SIGLEC10: variants seen among roughly 807,000 people sequenced by gnomAD.
SIGLEC10 encodes sialic acid binding Ig like lectin 10, also known as sialic acid-binding Ig-like lectin 10.
In SIGLEC10, 45 loss-of-function variants were observed where a neutral mutation model predicts 68.3. The observed-to-expected ratio is 0.66, with a 90% CI of 0.52 to 0.84. The LOEUF (loss-of-function observed/expected upper bound fraction) is 0.84. Ranked by LOEUF, SIGLEC10 falls within the 40% of genes least tolerant of loss-of-function variation. SIGLEC10 has a pLI of 0.00. For synonymous variants in SIGLEC10, 379 were observed against 370.8 expected, an observed-to-expected ratio of 1.02 and a Z score of -0.26; for missense variants, 789 against 883.1, an observed-to-expected ratio of 0.89 and a Z score of 1.35.
At position 51,416,663 on chromosome 19, in the gene SIGLEC10, C is replaced by T. The variant is rs1445534273; in HGVS notation, c.706+3G>A. On this transcript the variant is annotated splice_donor_region_variant and intron_variant, in intron 3 of 10. Coordinates refer to ENST00000339313, the MANE Select transcript of SIGLEC10 (RefSeq NM_033130.5). ...ACACCCCACCCTCCCAGGCCACACT[C>T]ACAGGCCACACGGAGTCGGACGGTC... 4.3e-6 allele frequency: 7 copies of T among 1,613,018 alleles called. No individual in the cohort carries two copies. Among genetic ancestry groups the T allele is most frequent in the Non-Finnish European group, 5.1e-6 (6 of 1,179,950 alleles).
Position 51,414,373 on chromosome 19 carries a change from T to G in SIGLEC10, c.1709+49A>C. On this transcript the variant is annotated intron_variant, in intron 9 of 10. Transcript: ENST00000339313. The surrounding 1 kb of genome is among the most constrained non-coding windows in gnomAD (Gnocchi z 4.1). Reference sequence around the variant, plus strand: ...CTCTTTCGGCCTGCAACACCTCCCCTCTTCCTGGGTCCAGGCCCCAGACCC... The same window carrying G: ...CTCTTTCGGCCTGCAACACCTCCCCGCTTCCTGGGTCCAGGCCCCAGACCC... 1 of 1,525,854 alleles carries G rather than the reference T, an allele frequency of 6.6e-7. No homozygotes were observed. Among genetic ancestry groups the G allele is most frequent in the South Asian group, 1.1e-5 (1 of 87,504 alleles). 94.5% of individuals were successfully genotyped at this position (1,525,854 alleles called of 1,614,324 possible). A position where few individuals can be genotyped will look rare whatever the true frequency, so the allele number is the denominator to read the frequency against.
intron 4 of SIGLEC10, 56 bp downstream of exon 4, chr19:51,416,254 G>A (rs1309235296): frequency 9.3e-6 from 15 of 1,613,252 alleles, no homozygotes; most frequent in Non-Finnish European, 1.2e-5. Flanking sequence ...CTCATCCCCT[G>A]AAGCCTTTTC....
Position 51,411,284 on chromosome 19 carries a change from G to C in SIGLEC10, c.1909C>G (p.Gln637Glu). The change falls in exon 11 of 11, where the codon CAG (glutamine) becomes GAG (glutamate). Residue 637 changes from glutamine (Q) to glutamate (E), a missense_variant. Physicochemically the swap from Gln to Glu is conservative, Grantham distance 29 (BLOSUM62 2). Transcript: ENST00000339313. ...GAPSPESKKN[Q>E]KKQYQLPSFP... Reference sequence around the variant, plus strand: ...CTGGGCAACTGATACTGCTTTTTCTGGTTCTTCTTTGATTCTGGGGAGGGA... The same window carrying C: ...CTGGGCAACTGATACTGCTTTTTCTCGTTCTTCTTTGATTCTGGGGAGGGA... The C allele has an allele frequency of 6.2e-7, 1 of 1,614,158 alleles. No homozygotes were observed. The highest frequency in any genetic ancestry group is 8.5e-7 in the Non-Finnish European group (1 of 1,180,028).
rs575610342 is a variant in SIGLEC10, at chr19:51,413,782, G to A, written c.1751C>T (p.Pro584Leu). 3.7e-6 allele frequency: 6 copies of A among 1,614,080 alleles called. No homozygotes were observed. The highest frequency in any genetic ancestry group is 2.2e-5 in the East Asian group (1 of 44,880). ...LPKRRTQTET[P>L]RPRFSRHSTI... The stretch of plus-strand genomic sequence containing the variant: ...GCTGTGCCGGGAGAACCTGGGCCTC[G>A]GGGTTTCTGTCTGAGTCCGTCTCTT... Residue 584 changes from proline to leucine, a missense_variant, in exon 10 of 11, where the codon CCG becomes CTG. Pro to Leu is a moderately conservative substitution (Grantham distance 98). Transcript: ENST00000339313.
In SIGLEC10 at chr19:51,411,010, G is replaced by T; in HGVS notation, c.*89C>A. ...AGAGAGAAAGAGAGAGAGAGAGGGA[G>T]AGAAGGAAACTTTGCACTCTGTTAT... On this transcript the variant is annotated 3_prime_UTR_variant, in exon 11 of 11. Transcript: ENST00000339313. 7.1e-7 allele frequency: 1 copy of T among 1,412,400 alleles called. No homozygotes were observed. The highest frequency in any genetic ancestry group is 9.6e-7 in the Non-Finnish European group (1 of 1,039,308). The allele number at this position is 1,412,400 out of a possible 1,614,324, so 87.5% of individuals were successfully genotyped here.
intron 3 of SIGLEC10, 66 bp from the exon 4 acceptor site, chr19:51,416,423 C>T (rs1988663618): frequency 1.2e-6 from 2 of 1,613,464 alleles, no homozygotes; most frequent in Non-Finnish European, 1.7e-6. Flanking sequence ...GAAAAAACTC[C>T]CTCAGGGAAA....
In SIGLEC10 at chr19:51,414,292, G is replaced by C; in HGVS notation, c.1709+130C>G. The C allele has an allele frequency of 5.5e-6, 4 of 726,286 alleles. No individual in the cohort carries two copies. The highest frequency in any genetic ancestry group is 7.0e-6 in the Non-Finnish European group (3 of 429,102). 45.0% of individuals were successfully genotyped at this position (726,286 alleles called of 1,614,324 possible). A position where few individuals can be genotyped will look rare whatever the true frequency, so the allele number is the denominator to read the frequency against. ...ACAACATTCTGCATTTATGAGAACA[G>C]TTTGCTGTTTACTCATGTAACCTCC... On this transcript the variant is annotated intron_variant, in intron 9 of 10. Transcript: ENST00000339313. The surrounding 1 kb of genome is among the most constrained non-coding windows in gnomAD (Gnocchi z 4.1).
At position 51,415,283 on chromosome 19, in the gene SIGLEC10, G is replaced by A; in HGVS notation, c.1228C>T (p.Leu410=). The A allele has an allele frequency of 1.9e-6, 3 of 1,614,156 alleles. No individual in the cohort carries two copies. The highest frequency in any genetic ancestry group is 2.5e-6 in the Non-Finnish European group (3 of 1,180,006). ...SPSQPSDPGV[L]ELPRVQVEHE... Reference sequence around the variant, plus strand: ...TCCACTTGAACCCGAGGCAGCTCCAGGACCCCGGGGTCTGAGGGCTGGGAG... The same window carrying A: ...TCCACTTGAACCCGAGGCAGCTCCAAGACCCCGGGGTCTGAGGGCTGGGAG... The change falls in exon 7 of 11, where the codon CTG becomes TTG. Residue 410 remains leucine (L), a synonymous_variant. Coordinates refer to ENST00000339313, the MANE Select transcript of SIGLEC10 (RefSeq NM_033130.5).
Position 51,410,934 on chromosome 19 carries a change from C to T in SIGLEC10, c.*165G>A. The T allele has an allele frequency of 2.5e-6, 2 of 805,012 alleles. No individual in the cohort carries two copies. Among genetic ancestry groups the T allele is most frequent in the Non-Finnish European group, 3.8e-6 (2 of 524,562 alleles). The allele number at this position is 805,012 out of a possible 1,614,324, so 49.9% of individuals were successfully genotyped here. A position where few individuals can be genotyped will look rare whatever the true frequency, so the allele number is the denominator to read the frequency against. ...AAAGTGCTGGGATTACAGGCGTGAG[C>T]CACTGTGCCCTGGCCAGATGTTTTT... On this transcript the variant is annotated 3_prime_UTR_variant, in exon 11 of 11. Coordinates refer to ENST00000339313, the MANE Select transcript of SIGLEC10 (RefSeq NM_033130.5).
chr19:51,417,495 C>T (rs576409759), intron 1 of SIGLEC10, 30 bp from the exon 2 acceptor site: 10 of 1,613,944 alleles, frequency 6.2e-6, no homozygotes, highest in South Asian at 1.1e-5. Context: ...CAACCTGCAA[C>T]CCCAGCCCTA....
Position 51,417,601 on chromosome 19 carries a change from G to A in SIGLEC10, c.-20C>T. 1 of 1,614,084 alleles carries A rather than the reference G, an allele frequency of 6.2e-7. No homozygotes were observed. Among genetic ancestry groups the A allele is most frequent in the Non-Finnish European group, 8.5e-7 (1 of 1,179,924 alleles). ...TAGCATCTCCGCATAGGAGGCGCAGGGCCTGCCTGAGACAGGCCTGTTCTC... is the reference window on the plus strand; with the variant it reads ...TAGCATCTCCGCATAGGAGGCGCAGAGCCTGCCTGAGACAGGCCTGTTCTC... On this transcript the variant is annotated 5_prime_UTR_variant, in exon 1 of 11. Transcript: ENST00000339313.
In SIGLEC10 at chr19:51,414,521, C is replaced by A; in HGVS notation, c.1616-6G>T. 6.2e-7 allele frequency: 1 copy of A among 1,613,220 alleles called. No homozygotes were observed. The highest frequency in any genetic ancestry group is 8.5e-7 in the Non-Finnish European group (1 of 1,179,500). ...TGAGATGAGTCCCTTCTTATCTGCACACGGAGAGGGCAAGGTGAGCATTTC... is the reference window on the plus strand; with the variant it reads ...TGAGATGAGTCCCTTCTTATCTGCAAACGGAGAGGGCAAGGTGAGCATTTC... On this transcript the variant is annotated splice_region_variant and splice_polypyrimidine_tract_variant and intron_variant, in intron 8 of 10. Coordinates refer to ENST00000339313, the MANE Select transcript of SIGLEC10 (RefSeq NM_033130.5). The surrounding 1 kb of genome is among the most constrained non-coding windows in gnomAD (Gnocchi z 4.1).
Position 51,411,285 on chromosome 19 carries a change from G to A in SIGLEC10, c.1908C>T (p.Asn636=). 2 of 1,614,188 alleles carry A rather than the reference G, an allele frequency of 1.2e-6. No individual in the cohort carries two copies. Among genetic ancestry groups the A allele is most frequent in the Non-Finnish European group, 1.7e-6 (2 of 1,180,042 alleles). ...TGGGCAACTGATACTGCTTTTTCTG[G>A]TTCTTCTTTGATTCTGGGGAGGGAG... ...PGAPSPESKK[N]QKKQYQLPSF... Residue 636 remains asparagine, a synonymous_variant, in exon 11 of 11, where the codon AAC becomes AAT. Coordinates refer to ENST00000339313, the MANE Select transcript of SIGLEC10 (RefSeq NM_033130.5).
Position 51,415,556 on chromosome 19 carries a change from C to T in SIGLEC10, c.1072+12G>A, listed in dbSNP as rs1988529530. The T allele has an allele frequency of 1.2e-6, 2 of 1,614,036 alleles. No individual in the cohort carries two copies. Among genetic ancestry groups the T allele is most frequent in the Non-Finnish European group, 1.7e-6 (2 of 1,179,922 alleles). On this transcript the variant is annotated intron_variant, in intron 6 of 10. Coordinates refer to ENST00000339313, the MANE Select transcript of SIGLEC10 (RefSeq NM_033130.5). ...CACTGAGAGGCCTTGGCTCCTCTGT[C>T]CCCTTTCCTACCTGTCCTGTTTGCT... is the stretch of plus-strand genomic sequence containing the variant.
chr19:51,411,102 T>C lies in SIGLEC10; in HGVS notation c.2091A>G (p.Gln697=), dbSNP rs140917519. 542 of 1,612,594 alleles carry C rather than the reference T, an allele frequency of 3.4e-4. No homozygotes were observed. The African/African-American group carries it at 5.9e-3, about 18-fold the overall frequency. Reference sequence around the variant, plus strand: ...AGTCCTAAAGCCTAAGAGACCCTCATTGGAACTTGACTTCTGCATAATCCG... The same window carrying C: ...AGTCCTAAAGCCTAAGAGACCCTCACTGGAACTTGACTTCTGCATAATCCG... ...TQADYAEVKF[Q] is the part of the protein sequence containing the mutation. The change falls in exon 11 of 11, where the codon CAA becomes CAG. Residue 697 remains glutamine, a synonymous_variant. Transcript: ENST00000339313.
chr19:51,410,176 G>A lies in SIGLEC10; in HGVS notation c.*923C>T, dbSNP rs1987882966. ...TGGATTATTCATTCCTCCCCCTTTT[G>A]GGACATATCGGGTAACTTCCTGATG... On this transcript the variant is annotated 3_prime_UTR_variant, in exon 11 of 11. Coordinates refer to ENST00000339313, the MANE Select transcript of SIGLEC10 (RefSeq NM_033130.5). The A allele has an allele frequency of 6.6e-6, 1 of 152,170 alleles. No individual in the cohort carries two copies. Among genetic ancestry groups the A allele is most frequent in the African/African-American group, 2.4e-5 (1 of 41,428 alleles). 9.4% of individuals were successfully genotyped at this position (152,170 alleles called of 1,614,324 possible). A position where few individuals can be genotyped will look rare whatever the true frequency, so the allele number is the denominator to read the frequency against.
At chr19:51,411,446 T>G (rs539058616) in intron 10 of SIGLEC10, 75 bp from the exon 11 acceptor site, 40 of 1,562,046 alleles carry the variant, frequency 2.6e-5, no homozygotes, top group Non-Finnish European at 3.3e-5. Context: ...CGGGCACTGA[T>G]TTACAGCACA....
At position 51,410,992 on chromosome 19, in the gene SIGLEC10, A is replaced by C; in HGVS notation, c.*107T>G. ...AGAGAGAAAGAGAGAGAGAGAGAGA[A>C]AGAGAGAGAGAGAGGGAGAGAAGGA... On this transcript the variant is annotated 3_prime_UTR_variant, in exon 11 of 11. Transcript: ENST00000339313. 9.6e-7 allele frequency: 1 copy of C among 1,040,606 alleles called. No homozygotes were observed. 64.5% of individuals were successfully genotyped at this position (1,040,606 alleles called of 1,614,324 possible).
Position 51,415,335 on chromosome 19 carries a change from C to T in SIGLEC10, c.1176G>A (p.Trp392Ter). 6.2e-7 allele frequency: 1 copy of T among 1,613,616 alleles called. No homozygotes were observed. The highest frequency in any genetic ancestry group is 1.1e-5 in the South Asian group (1 of 91,024). ...GGCTCAGAACCTGTCCCCTCTGGGT[C>T]CAGCTCAGCCTGGCTGGGGGGCTGC... ...THSSPPARLS[W>*]TQRGQVLSPS... is the part of the protein sequence containing the mutation. The change falls in exon 7 of 11, where the codon TGG becomes TGA. Residue 392 changes from tryptophan to a stop codon, truncating the protein, a stop_gained. Transcript: ENST00000339313. LOFTEE classifies it high-confidence loss of function.
Sources: allele counts gnomAD v4.1 joint callset, GRCh38; gene constraint gnomAD v4.1.1; non-coding constraint Gnocchi (gnomAD v3.1); transcripts MANE v1.5; gene names NCBI Gene and HGNC (gene_info 2026-07-23, HGNC 2026-07-21).